The following ECSCR variants were observed in gnomAD, a reference collection of about 807,000 sequenced individuals.
ECSCR encodes endothelial cell surface expressed chemotaxis and apoptosis regulator, also known as endothelial cell-specific chemotaxis regulator.
Under a neutral mutation model 16.7 loss-of-function variants are expected in ECSCR, and 12 were observed. That is an observed-to-expected ratio of 0.72 (90% CI 0.46 to 1.17). The LOEUF (loss-of-function observed/expected upper bound fraction) is 1.17, where lower values mean the gene tolerates loss of function less well. Among genes scored for constraint, ECSCR ranks in the 50% most tolerant of loss-of-function variants. The probability of loss-of-function intolerance (pLI) is 0.00; values close to 1 mark genes in which losing one functional copy is unlikely to be tolerated. For synonymous variants in ECSCR, 44 were observed against 42.2 expected (o/e 1.04, Z -0.17); for missense variants, 122 against 116.1 (o/e 1.05, Z -0.23).
intron 8 of ECSCR, among the ~76,000 whole-genome samples, chr5:139,449,422 C>T (rs1750980324): frequency 6.6e-6 from 1 of 152,088 alleles, no homozygotes; most frequent in Admixed American, 6.6e-5. Flanking sequence ...ACTGCAACCT[C>T]CACCTCTCGG....
chr5:139,456,548 G>C (rs1037151877), intron 4 of ECSCR, 30 bp from the exon 5 acceptor site: 57 of 398,674 alleles, frequency 1.4e-4, no homozygotes, highest in African/African-American at 1.1e-3. Flanking sequence ...GACCAAGATG[G>C]GGGCATCCCC....
intron 8 of ECSCR, among the ~76,000 whole-genome samples, chr5:139,452,105 A>G (rs1436485136): frequency 7.6e-6 from 1 of 131,398 alleles, no homozygotes; most frequent in East Asian, 2.6e-4. Context: ...GTGGATGTGC[A>G]TGGGGTGTGT....
chr5:139,460,578 A>G (rs974727344), intron 1 of ECSCR, among the ~76,000 whole-genome samples: 8 of 152,178 alleles, frequency 5.3e-5, no homozygotes, highest in African/African-American at 1.9e-4. Flanking sequence ...CACAAGCTTC[A>G]AGACCCTGCT....
At chr5:139,452,456 G>C (rs1223729549) in intron 8 of ECSCR, among the ~76,000 whole-genome samples, 1 of 144,964 alleles carries the variant, frequency 6.9e-6, no homozygotes, top group East Asian at 2.2e-4. Context: ...GTGGTAGGTG[G>C]GTATGTGTGT....
At position 139,462,730 on chromosome 5, in the gene ECSCR, AAG is replaced by A. The variant is rs1751340774; in HGVS notation, c.-62_-61del. 2.9e-6 allele frequency: 4 copies of A among 1,386,680 alleles called. No homozygotes were observed. The highest frequency in any genetic ancestry group is 5.0e-5 in the East Asian group (2 of 39,782). 85.9% of individuals were successfully genotyped at this position (1,386,680 alleles called of 1,614,324 possible). On this transcript the variant is annotated 5_prime_UTR_variant, in exon 1 of 10. Transcript: ENST00000618155. The stretch of plus-strand genomic sequence containing the variant: ...AGTGGAGGCTCTGTCCATAGTGGAG[AAG>A]AGAGAGGGAGTGCTGGGGCGGGATG...
At chr5:139,457,906 C>A (rs887673454) in intron 2 of ECSCR, 99 bp from the exon 3 acceptor site, 2 of 1,332,174 alleles carry the variant, frequency 1.5e-6, no homozygotes, top group Non-Finnish European at 2.1e-6. Context: ...CCTACCCCAT[C>A]CCCCACCCCT....
Position 139,449,138 on chromosome 5 carries a change from G to A in ECSCR, c.549C>T (p.Thr183=). ...STANGEKDSI[T]LISMKNINMN... is the part of the protein sequence containing the mutation. Reference sequence around the variant, plus strand: ...TGTTGATGTTCTTCATGGAGATAAGGGTGATGCTGTCTTTCTCTCCATTGG... The same window carrying A: ...TGTTGATGTTCTTCATGGAGATAAGAGTGATGCTGTCTTTCTCTCCATTGG... Residue 183 remains threonine, a synonymous_variant, in exon 9 of 10, where the codon ACC becomes ACT. Transcript: ENST00000618155. 1.3e-6 allele frequency: 2 copies of A among 1,537,226 alleles called. No homozygotes were observed. Among genetic ancestry groups the A allele is most frequent in the South Asian group, 2.4e-5 (2 of 84,060 alleles).
chr5:139,459,380 C>T (rs998940432), intron 1 of ECSCR, among the ~76,000 whole-genome samples: 52 of 152,270 alleles, frequency 3.4e-4, no homozygotes, highest in African/African-American at 1.2e-3. Context: ...TTCACTCTCA[C>T]AGGCAGAGGA....
At position 139,448,702 on chromosome 5, in the gene ECSCR, A is replaced by G. The variant is rs899516825; in HGVS notation, c.*198T>C. The G allele has an allele frequency of 2.1e-6, 3 of 1,412,284 alleles. No homozygotes were observed. The highest frequency in any genetic ancestry group is 2.9e-5 in the Admixed American group (1 of 33,964). The allele number at this position is 1,412,284 out of a possible 1,614,324, so 87.5% of individuals were successfully genotyped here. A position where few individuals can be genotyped will look rare whatever the true frequency, so the allele number is the denominator to read the frequency against. ...GGCAGTATTTCCACAGCAGCTGTCC[A>G]TACAGGAAAGAGTCTCCCCTGTTGG... is the stretch of plus-strand genomic sequence containing the variant. On this transcript the variant is annotated 3_prime_UTR_variant, in exon 10 of 10. Transcript: ENST00000618155.
intron 1 of ECSCR, among the ~76,000 whole-genome samples, chr5:139,458,639 G>A (rs529681730): frequency 6.6e-6 from 1 of 151,442 alleles, no homozygotes; most frequent in Non-Finnish European, 1.5e-5. Flanking sequence ...TTGAGGTCAG[G>A]AGTTCAAGAC....
intron 2 of ECSCR, 73 bp downstream of exon 2, chr5:139,458,066 G>A: frequency 1.4e-6 from 2 of 1,467,762 alleles, no homozygotes; most frequent in Non-Finnish European, 1.9e-6. Context: ...GGCTAAATTG[G>A]CATAGAGCTC....
At chr5:139,462,554 T>G in intron 1 of ECSCR, 56 bp downstream of exon 1, 3 of 1,528,548 alleles carry the variant, frequency 2.0e-6, no homozygotes, top group Non-Finnish European at 2.7e-6. Context: ...GACCGATGCC[T>G]AGAATGGCCA....
Position 139,449,123 on chromosome 5 carries a change from C to A in ECSCR, c.564G>T (p.Lys188Asn). Reference sequence around the variant, plus strand: ...GTTTGCCATTATTCATGTTGATGTTCTTCATGGAGATAAGGGTGATGCTGT... The same window carrying A: ...GTTTGCCATTATTCATGTTGATGTTATTCATGGAGATAAGGGTGATGCTGT... ...EKDSITLISM[K>N]NINMNNGKQS... Residue 188 changes from lysine to asparagine, a missense_variant, in exon 9 of 10, where the codon AAG (lysine) becomes AAT (asparagine). By Grantham distance (94) the Lys-to-Asn change is moderately conservative. Transcript: ENST00000618155. 6.5e-7 allele frequency: 1 copy of A among 1,537,154 alleles called. No homozygotes were observed. The highest frequency in any genetic ancestry group is 2.4e-5 in the East Asian group (1 of 40,910).
chr5:139,459,343 C>CA (rs1178440499), intron 1 of ECSCR, among the ~76,000 whole-genome samples: 1 of 152,070 alleles, frequency 6.6e-6, no homozygotes, highest in African/African-American at 2.4e-5. Context: ...ATATAGGAGG[C>CA]AGGGAAGCTC....
At chr5:139,451,358 G>A (rs1751041577) in intron 8 of ECSCR, among the ~76,000 whole-genome samples, 1 of 150,636 alleles carries the variant, frequency 6.6e-6, no homozygotes, top group Non-Finnish European at 1.5e-5. Flanking sequence ...ATAATATGGG[G>A]TACATATGTG....
intron 1 of ECSCR, among the ~76,000 whole-genome samples, chr5:139,460,924 C>A (rs1399544905): frequency 6.6e-6 from 1 of 152,172 alleles, no homozygotes; most frequent in East Asian, 1.9e-4. Context: ...CGCTGTCTGA[C>A]CTAGGCCTCA....
rs920906644 is a variant in ECSCR, at chr5:139,449,119, T to C, written c.568A>G (p.Ile190Val). The part of the protein sequence containing the change: ...DSITLISMKN[I>V]NMNNGKQSLS... ...CTTTGTTTGCCATTATTCATGTTGATGTTCTTCATGGAGATAAGGGTGATG... is the reference window on the plus strand; with the variant it reads ...CTTTGTTTGCCATTATTCATGTTGACGTTCTTCATGGAGATAAGGGTGATG... The change falls in exon 9 of 10, where the codon ATC becomes GTC. Residue 190 changes from isoleucine to valine, a missense_variant. By Grantham distance (29) the Ile-to-Val change is conservative (BLOSUM62 3). Coordinates refer to ENST00000618155, the MANE Select transcript of ECSCR (RefSeq NM_001077693.4). The C allele has an allele frequency of 1.3e-6, 2 of 1,537,090 alleles. No homozygotes were observed. Among genetic ancestry groups the C allele is most frequent in the African/African-American group, 1.4e-5 (1 of 73,036 alleles).
Position 139,448,915 on chromosome 5 carries a change from A to G in ECSCR, c.610-7T>C, listed in dbSNP as rs1042250687. 3.9e-6 allele frequency: 6 copies of G among 1,537,148 alleles called. No homozygotes were observed. The African/African-American group carries it at 5.5e-5, about 14-fold the overall frequency. Reference sequence around the variant, plus strand: ...AAAGTTGCTTTTAAAGAACCTGCAAAATAAATGCATAATGGGGAAGGGTGA... The same window carrying G: ...AAAGTTGCTTTTAAAGAACCTGCAAGATAAATGCATAATGGGGAAGGGTGA... On this transcript the variant is annotated splice_polypyrimidine_tract_variant and splice_region_variant and intron_variant, in intron 9 of 9. Coordinates refer to ENST00000618155, the MANE Select transcript of ECSCR (RefSeq NM_001077693.4).
intron 8 of ECSCR, among the ~76,000 whole-genome samples, chr5:139,451,230 A>G (rs1206822369): frequency 8.5e-6 from 1 of 117,506 alleles, no homozygotes; most frequent in Middle Eastern, 6.2e-3. Context: ...TGTGTGTGGT[A>G]TGGGGTGTGT....
Sources: allele counts gnomAD v4.1 joint callset (sites outside exome capture counted in the v4.1 genomes callset), GRCh38; gene constraint gnomAD v4.1.1; transcripts MANE v1.5; gene names NCBI Gene and HGNC (gene_info 2026-07-23, HGNC 2026-07-21).